The following ANOS1 variants were observed in gnomAD, a reference collection of about 807,000 sequenced individuals.
ANOS1 encodes anosmin 1.
ANOS1 carries 6 observed loss-of-function variants against 59.0 expected under a neutral mutation model. The ratio of observed to expected loss-of-function variants is 0.10; its 90% CI spans 0.06 to 0.20. ANOS1 has a LOEUF of 0.20. Ranked by LOEUF, ANOS1 falls within the 10% of genes least tolerant of loss-of-function variation. The pLI is 1.00. For missense variants in ANOS1, 433 were observed against 542.3 expected, an observed-to-expected ratio of 0.80 and a Z score of 2.00; for synonymous variants, 217 against 223.4, an observed-to-expected ratio of 0.97 and a Z score of 0.25.
chrX:8,600,482 T>A (rs1480359099), intron 3 of ANOS1, among the ~76,000 whole-genome samples: 1 of 112,386 alleles, frequency 8.9e-6, no homozygotes, highest in Admixed American at 9.4e-5. Context: ...GAAAATAACA[T>A]GAGTTGACTG....
chrX:8,665,381 G>T (rs1014441200), intron 2 of ANOS1, among the ~76,000 whole-genome samples: 5 of 112,286 alleles, frequency 4.5e-5, no homozygotes, highest in Non-Finnish European at 9.4e-5. Flanking sequence ...TACTTCAGAG[G>T]TGAGATATTG....
chrX:8,583,824 C>T (rs1414178917), intron 6 of ANOS1, among the ~76,000 whole-genome samples: 1 of 111,935 alleles, frequency 8.9e-6, no homozygotes, highest in Non-Finnish European at 1.9e-5. Flanking sequence ...GGAGATGCAG[C>T]TTCCATTCTA....
rs151267780 is a variant in ANOS1 at position 8,667,551 on chromosome X, G to C, written c.255+32147C>G. ...ACTCCACATTTTAAATAGAAAAGCAGAGTTCCAGAGAATGAAAACCACTGT... is the reference window on the plus strand; with the variant it reads ...ACTCCACATTTTAAATAGAAAAGCACAGTTCCAGAGAATGAAAACCACTGT... On this transcript the variant is annotated intron_variant, in intron 2 of 13. Coordinates refer to ENST00000262648, the MANE Select transcript of ANOS1 (RefSeq NM_000216.4). Among the ~76,000 whole-genome samples, 296 of 111,854 alleles carry C rather than the reference G, an allele frequency of 2.6e-3. 1 individual carries two copies. Among genetic ancestry groups the C allele is most frequent in the African/African-American group, 9.2e-3 (282 of 30,747 alleles).
chrX:8,629,929 A>G (rs935901333), intron 2 of ANOS1, among the ~76,000 whole-genome samples: 1 of 112,498 alleles, frequency 8.9e-6, no homozygotes, highest in African/African-American at 3.2e-5. Context: ...AGGTCCATAG[A>G]TTTCAATCTG....
At chrX:8,602,887 C>T (rs866428845) in intron 3 of ANOS1, among the ~76,000 whole-genome samples, 4 of 110,662 alleles carry the variant, frequency 3.6e-5, no homozygotes, top group Admixed American at 9.7e-5. Context: ...TACAGGCATG[C>T]GCCACCATGT....
chrX:8,570,564 T>A lies in ANOS1; in HGVS notation c.997A>T (p.Ser333Cys), dbSNP rs756152398. 1 of 1,209,637 alleles carries A rather than the reference T, an allele frequency of 8.3e-7. No homozygotes were observed. The highest frequency in any genetic ancestry group is 1.8e-5 in the South Asian group (1 of 56,745). The change falls in exon 7 of 14, where the codon AGC (serine) becomes TGC (cysteine). Residue 333 changes from serine to cysteine, a missense_variant. Ser to Cys is a moderately radical substitution (Grantham distance 112). Coordinates refer to ENST00000262648, the MANE Select transcript of ANOS1 (RefSeq NM_000216.4). ...AGAGACTTACTGCTGACCATCCAGC[T>A]CCAAAAGACCTTGTAATGATGCACA... ...IPVHHYKVFW[S>C]WMVSSKSLVP...
At chrX:8,685,584 AAGAG>A (rs1188467023) in intron 2 of ANOS1, among the ~76,000 whole-genome samples, 1 of 74,311 alleles carries the variant, frequency 1.3e-5, no homozygotes, top group Non-Finnish European at 2.7e-5. Flanking sequence ...GAAGGAAAGA[AAGAG>A]AAAGAAAGGA....
intron 8 of ANOS1, among the ~76,000 whole-genome samples, chrX:8,556,503 GTGC>G (rs1007405599): frequency 8.9e-6 from 1 of 111,854 alleles, no homozygotes; most frequent in African/African-American, 3.3e-5. Context: ...CAAAATCAAT[GTGC>G]AAAAATCACA....
chrX:8,662,914 C>G (rs1473990981), intron 2 of ANOS1, among the ~76,000 whole-genome samples: 1 of 112,105 alleles, frequency 8.9e-6, no homozygotes, highest in East Asian at 2.8e-4. Flanking sequence ...ATTTCAGCTC[C>G]TCAGGAGGGT....
intron 1 of ANOS1, among the ~76,000 whole-genome samples, chrX:8,710,685 CT>C (rs1932807783): frequency 8.9e-6 from 1 of 112,207 alleles, no homozygotes; most frequent in Non-Finnish European, 1.9e-5. Context: ...CTCCGCTATG[CT>C]GACTTTTCCA....
At chrX:8,535,881 G>A in intron 11 of ANOS1, 70 bp from the exon 12 acceptor site, 2 of 877,857 alleles carry the variant, frequency 2.3e-6, no homozygotes, top group Non-Finnish European at 3.4e-6. Context: ...ATCCATTGTA[G>A]GAATTTTCAG....
intron 4 of ANOS1, among the ~76,000 whole-genome samples, chrX:8,593,357 G>A (rs1022713369): frequency 8.0e-5 from 9 of 111,873 alleles, no homozygotes; most frequent in African/African-American, 2.9e-4. Flanking sequence ...CCAAGTGACA[G>A]CAGCCCCTTG....
intron 1 of ANOS1, among the ~76,000 whole-genome samples, chrX:8,730,971 C>A (rs1023386812): frequency 2.7e-5 from 3 of 111,997 alleles, no homozygotes; most frequent in African/African-American, 9.7e-5. Context: ...AGAGTCCCGG[C>A]AACCCGCTGG....
At chrX:8,704,847 A>G (rs942083602) in intron 1 of ANOS1, among the ~76,000 whole-genome samples, 15 of 111,465 alleles carry the variant, frequency 1.3e-4, no homozygotes, top group Non-Finnish European at 3.8e-5. Flanking sequence ...GCAGTTTGGG[A>G]GTAATCCTAG....
intron 2 of ANOS1, among the ~76,000 whole-genome samples, chrX:8,673,859 A>G (rs1932294409): frequency 9.0e-6 from 1 of 111,700 alleles, no homozygotes; most frequent in Non-Finnish European, 1.9e-5. Flanking sequence ...GAGAACAGGA[A>G]CAACAGAGAA....
At chrX:8,666,482 A>G (rs114753132) in intron 2 of ANOS1, among the ~76,000 whole-genome samples, 188 of 112,188 alleles carry the variant, frequency 1.7e-3, no homozygotes, top group African/African-American at 5.8e-3. Flanking sequence ...GGAGCCTGAG[A>G]GAAAATAAAT....
intron 4 of ANOS1, among the ~76,000 whole-genome samples, chrX:8,592,603 C>A (rs373809597): frequency 3.1e-4 from 35 of 111,150 alleles, no homozygotes; most frequent in African/African-American, 1.1e-3. Context: ...AAATATATCA[C>A]CCTCTGGAGG....
chrX:8,587,657 T>G, intron 5 of ANOS1, 137 bp downstream of exon 5: 1 of 498,866 alleles, frequency 2.0e-6, no homozygotes, highest in Non-Finnish European at 3.5e-6. Flanking sequence ...GAAGACCCCA[T>G]GATGTTCATT....
chrX:8,582,192 T>C (rs1930437122), intron 6 of ANOS1, among the ~76,000 whole-genome samples: 1 of 112,639 alleles, frequency 8.9e-6, no homozygotes. Context: ...TAGACAGTCA[T>C]AACAGAAAAT....
Sources: allele counts gnomAD v4.1 joint callset (sites outside exome capture counted in the v4.1 genomes callset), GRCh38; gene constraint gnomAD v4.1.1; transcripts MANE v1.5; gene names NCBI Gene and HGNC (gene_info 2026-07-23, HGNC 2026-07-21).